TEX36: variants seen among roughly 807,000 people sequenced by gnomAD.
TEX36 encodes the protein testis-expressed protein 36.
In TEX36, 12 loss-of-function variants were observed where a neutral mutation model predicts 13.6. That is an observed-to-expected ratio of 0.88 (90% CI 0.56 to 1.43). TEX36 has a LOEUF of 1.43. Ranked by LOEUF, TEX36 falls within the 40% of genes most tolerant of loss-of-function variation. The pLI, the probability that TEX36 is intolerant of heterozygous loss-of-function variation, is 0.00. For missense variants in TEX36, 224 were observed against 228.3 expected, an observed-to-expected ratio of 0.98 and a Z score of 0.12; for synonymous variants, 93 against 83.0, an observed-to-expected ratio of 1.12 and a Z score of -0.65.
chr10:125,600,841 C>T (rs1455365333), intron 3 of TEX36, among the ~76,000 whole-genome samples: 1 of 152,334 alleles, frequency 6.6e-6, no homozygotes, highest in Non-Finnish European at 1.5e-5. Context: ...TGAGAAAGCA[C>T]AAAGATCTGA....
chr10:125,578,521 A>G (rs934063992), intron 3 of TEX36: 20 of 152,196 alleles, frequency 1.3e-4, no homozygotes, highest in African/African-American at 4.3e-4. Flanking sequence ...GGTATTTTCA[A>G]TGACTCAGAA....
chr10:125,683,141 T>C lies in TEX36; in HGVS notation c.-152A>G, dbSNP rs1211590957. On this transcript the variant is annotated 5_prime_UTR_variant, in exon 1 of 4. Transcript: ENST00000368821. ...TTCCTGATCTTTACTTCTCAGCCTCTTCCAGGAGGGGAAGGTGCGGGTGCC... is the reference window on the plus strand; with the variant it reads ...TTCCTGATCTTTACTTCTCAGCCTCCTCCAGGAGGGGAAGGTGCGGGTGCC... The C allele has an allele frequency of 1.0e-5, 9 of 883,110 alleles. No individual in the cohort carries two copies. The highest frequency in any genetic ancestry group is 1.4e-5 in the Non-Finnish European group (8 of 555,298). 54.7% of individuals were successfully genotyped at this position (883,110 alleles called of 1,614,324 possible).
chr10:125,640,067 C>T (rs1272991896), intron 3 of TEX36: 17 of 694,400 alleles, frequency 2.4e-5, no homozygotes, highest in Non-Finnish European at 3.0e-5. Context: ...CTTATTATCC[C>T]GTCAGTAGCT....
At chr10:125,682,813 A>C in intron 1 of TEX36, 126 bp downstream of exon 1, 1 of 1,043,768 alleles carries the variant, frequency 9.6e-7, no homozygotes. Context: ...ACTGAGGTTG[A>C]GTAAAGTGAA....
At chr10:125,670,639 C>T (rs1010085761) in intron 1 of TEX36, among the ~76,000 whole-genome samples, 1 of 152,060 alleles carries the variant, frequency 6.6e-6, no homozygotes. Flanking sequence ...TTGCTTTTGA[C>T]ATTTTAATCA....
intron 3 of TEX36, among the ~76,000 whole-genome samples, chr10:125,643,899 G>A (rs1047924794): frequency 1.3e-5 from 2 of 152,090 alleles, no homozygotes; most frequent in South Asian, 2.1e-4. Context: ...GTGACAGAGC[G>A]AGACTTCACC....
At chr10:125,640,705 G>A (rs944114621) in intron 3 of TEX36, among the ~76,000 whole-genome samples, 1 of 152,126 alleles carries the variant, frequency 6.6e-6, no homozygotes, top group Admixed American at 6.5e-5. Flanking sequence ...CCAGGGAAAG[G>A]CAGGACTAGA....
At chr10:125,588,851 A>G (rs1292165906) in intron 3 of TEX36, among the ~76,000 whole-genome samples, 1 of 152,200 alleles carries the variant, frequency 6.6e-6, no homozygotes, top group Non-Finnish European at 1.5e-5. Context: ...CCTGACCTCA[A>G]GTGACCCACA....
At chr10:125,618,325 G>A (rs888629602), downstream of TEX36, among the ~76,000 whole-genome samples, 4 of 151,608 alleles carry the variant, frequency 2.6e-5, no homozygotes, top group African/African-American at 9.8e-5. Context: ...TTCCGTTGCT[G>A]GTGAGGAACT....
At chr10:125,596,503 C>A (rs538443943) in intron 3 of TEX36, among the ~76,000 whole-genome samples, 9 of 152,170 alleles carry the variant, frequency 5.9e-5, no homozygotes, top group African/African-American at 1.9e-4. Context: ...AAAATGGATT[C>A]TCTCCTAGAG....
At chr10:125,578,926 TGCCCTGGTC>T (rs1353696442) in intron 3 of TEX36, among the ~76,000 whole-genome samples, 2 of 152,182 alleles carry the variant, frequency 1.3e-5, no homozygotes, top group Non-Finnish European at 2.9e-5. Context: ...CCACATGCTG[TGCCCTGGTC>T]GCCCATGCCT....
At position 125,635,599 on chromosome 10, in the gene TEX36, G is replaced by T. The variant is rs1367509245; in HGVS notation, c.265-13954C>A. Among the ~76,000 whole-genome samples, 6 of 152,162 alleles carry T rather than the reference G, an allele frequency of 3.9e-5. No homozygotes were observed. The East Asian group carries it at 1.2e-3, about 29-fold the overall frequency. ...GCTGGGGTGCGAAGGTACAGCGGAT[G>T]GGGGAAGTTCACCGTCTTTCTCTTG... On this transcript the variant is annotated intron_variant, in intron 3 of 3. Coordinates refer to the TEX36 transcript ENST00000526819.
chr10:125,616,234 G>T lies in TEX36; in HGVS notation c.265-39360C>A, dbSNP rs1424020626. Among the ~76,000 whole-genome samples the T allele has an allele frequency of 2.0e-5, 3 of 152,034 alleles. No individual in the cohort carries two copies. In the East Asian group the frequency reaches 5.8e-4, roughly 29 times the overall value. ...TTTTGTTGATCCTTTCAAAAAACCA[G>T]CTCCTGGATTCATTAATTTTTTGAA... On this transcript the variant is annotated intron_variant, in intron 3 of 3. Transcript: ENST00000532135.
intron 3 of TEX36, among the ~76,000 whole-genome samples, chr10:125,635,866 C>T (rs1228327822): frequency 6.6e-6 from 1 of 151,886 alleles, no homozygotes; most frequent in Non-Finnish European, 1.5e-5. Flanking sequence ...GCCTGAATTT[C>T]TAGGACACTT....
intron 1 of TEX36, chr10:125,667,643 C>T (rs1847144955): frequency 1.4e-6 from 1 of 722,392 alleles, no homozygotes; most frequent in Non-Finnish European, 2.6e-6. Context: ...GCCCCCAACA[C>T]CACCCTTGGA....
intron 1 of TEX36, among the ~76,000 whole-genome samples, chr10:125,671,195 A>C (rs1230564182): frequency 6.6e-6 from 1 of 152,176 alleles, no homozygotes; most frequent in Non-Finnish European, 1.5e-5. Flanking sequence ...GAGAGGGGTC[A>C]TCCTTGTCTT....
chr10:125,584,470 T>C (rs1845919493), intron 3 of TEX36, among the ~76,000 whole-genome samples: 1 of 152,248 alleles, frequency 6.6e-6, no homozygotes, highest in African/African-American at 2.4e-5. Flanking sequence ...AAGTTTTTCT[T>C]TATGTTTTTT....
In TEX36 at chr10:125,670,810, C is replaced by A. The variant is rs374126644; in HGVS notation, c.52-8833G>T. ...GTTTCAATTTTCTGCATATTACTAGCCAGTTCTCCCAGCACCATTTATTAA... is the reference window on the plus strand; with the variant it reads ...GTTTCAATTTTCTGCATATTACTAGACAGTTCTCCCAGCACCATTTATTAA... On this transcript the variant is annotated intron_variant, in intron 1 of 3. Transcript: ENST00000368821. Among the ~76,000 whole-genome samples, 44 of 152,196 alleles carry A rather than the reference C, an allele frequency of 2.9e-4. No individual in the cohort carries two copies. The East Asian group carries it at 3.1e-3, about 11-fold the overall frequency.
intron 3 of TEX36, among the ~76,000 whole-genome samples, chr10:125,634,745 G>A (rs1275704507): frequency 1.3e-5 from 2 of 152,162 alleles, no homozygotes; most frequent in African/African-American, 4.8e-5. Context: ...GCAAACAATG[G>A]TTTAGCGGTT....
Sources: allele counts gnomAD v4.1 joint callset (sites outside exome capture counted in the v4.1 genomes callset), GRCh38; gene constraint gnomAD v4.1.1; transcripts MANE v1.5; gene names NCBI Gene and HGNC (gene_info 2026-07-23, HGNC 2026-07-21).